The following EGFLAM variants were observed in gnomAD, a reference collection of about 807,000 sequenced individuals.
The protein encoded by EGFLAM is EGF like, fibronectin type III and laminin G domains, also known as pikachurin.
In EGFLAM, 79 loss-of-function variants were observed where a neutral mutation model predicts 113.1. The ratio of observed to expected loss-of-function variants is 0.70; its 90% CI spans 0.58 to 0.84. EGFLAM has a LOEUF of 0.84. Ranked by LOEUF, EGFLAM falls within the 40% of genes least tolerant of loss-of-function variation. EGFLAM has a pLI of 0.00. For missense variants in EGFLAM, 1,265 were observed against 1,291.6 expected, an observed-to-expected ratio of 0.98 and a Z score of 0.32; for synonymous variants, 504 against 487.6, an observed-to-expected ratio of 1.03 and a Z score of -0.44.
chr5:38,378,945 C>G (rs1429676747), intron 6 of EGFLAM, among the ~76,000 whole-genome samples: 1 of 152,176 alleles, frequency 6.6e-6, no homozygotes, highest in Non-Finnish European at 1.5e-5. Flanking sequence ...AATAGATGTT[C>G]CCTCCATGCC....
At chr5:38,319,222 G>A (rs1414289253) in intron 1 of EGFLAM, among the ~76,000 whole-genome samples, 1 of 152,112 alleles carries the variant, frequency 6.6e-6, no homozygotes, top group Non-Finnish European at 1.5e-5. Flanking sequence ...GGGATGACTG[G>A]AACCTGAGCC....
intron 6 of EGFLAM, among the ~76,000 whole-genome samples, chr5:38,381,696 TA>T (rs1740517112): frequency 6.6e-6 from 1 of 152,122 alleles, no homozygotes; most frequent in Non-Finnish European, 1.5e-5. Context: ...GGGTAAAATT[TA>T]GGGGAACACT....
chr5:38,258,692 C>T lies in EGFLAM; in HGVS notation c.-63C>T. The T allele has an allele frequency of 6.5e-7, 1 of 1,545,240 alleles. No homozygotes were observed. The highest frequency in any genetic ancestry group is 8.8e-7 in the Non-Finnish European group (1 of 1,138,632). On this transcript the variant is annotated 5_prime_UTR_variant, in exon 1 of 22. Transcript: ENST00000322350. ...TTGGGGCCGCGTCCCCCACGCGCCC[C>T]CGGAGACGCCCTTTCCGTGTGCGCC... is the stretch of plus-strand genomic sequence containing the variant.
chr5:38,382,096 A>G (rs1294003889), intron 6 of EGFLAM, among the ~76,000 whole-genome samples: 1 of 152,240 alleles, frequency 6.6e-6, no homozygotes, highest in Non-Finnish European at 1.5e-5. Flanking sequence ...TGTGCTCTAT[A>G]ATGCTTATTG....
At chr5:38,278,120 A>G (rs574431623) in intron 1 of EGFLAM, among the ~76,000 whole-genome samples, 2 of 152,314 alleles carry the variant, frequency 1.3e-5, no homozygotes, top group South Asian at 2.1e-4. Flanking sequence ...TGGAGGCATC[A>G]TGCTACCTGA....
chr5:38,404,135 G>A (rs766865021), intron 6 of EGFLAM, among the ~76,000 whole-genome samples: 7 of 152,030 alleles, frequency 4.6e-5, no homozygotes, highest in Non-Finnish European at 7.4e-5. Flanking sequence ...TCAACAGCAC[G>A]CCCCCTGACA....
At chr5:38,398,169 C>T (rs994730908) in intron 6 of EGFLAM, among the ~76,000 whole-genome samples, 1 of 152,220 alleles carries the variant, frequency 6.6e-6, no homozygotes, top group Non-Finnish European at 1.5e-5. Context: ...AAAGGTGTGG[C>T]TCCCCTTGGG....
intron 1 of EGFLAM, among the ~76,000 whole-genome samples, chr5:38,295,823 T>A (rs1758441765): frequency 6.6e-6 from 1 of 152,174 alleles, no homozygotes; most frequent in Non-Finnish European, 1.5e-5. Context: ...TGATAGTGGG[T>A]TAAAAGACCT....
intron 1 of EGFLAM, among the ~76,000 whole-genome samples, chr5:38,300,568 C>T (rs923738504): frequency 2.0e-5 from 3 of 152,060 alleles, no homozygotes; most frequent in Non-Finnish European, 2.9e-5. Context: ...TACAGACGAG[C>T]TTTCACCATG....
chr5:38,342,023 G>T (rs923943177), intron 3 of EGFLAM, among the ~76,000 whole-genome samples: 1 of 151,630 alleles, frequency 6.6e-6, no homozygotes, highest in Admixed American at 6.6e-5. Context: ...TTAAACCCCT[G>T]TCCCAATCCA....
At chr5:38,420,703 G>GAATA (rs1657820756) in intron 12 of EGFLAM, among the ~76,000 whole-genome samples, 1 of 152,158 alleles carries the variant, frequency 6.6e-6, no homozygotes, top group Non-Finnish European at 1.5e-5. Flanking sequence ...GAACAGCCCT[G>GAATA]AATAAACCTG....
intron 15 of EGFLAM, among the ~76,000 whole-genome samples, chr5:38,434,330 A>G (rs1293395320): frequency 1.3e-5 from 2 of 152,154 alleles, no homozygotes; most frequent in Admixed American, 1.3e-4. Context: ...AGTTCTTCCC[A>G]GTGCTGATAT....
At chr5:38,405,567 A>G (rs2112124056) in intron 6 of EGFLAM, among the ~76,000 whole-genome samples, 2 of 152,278 alleles carry the variant, frequency 1.3e-5, no homozygotes, top group East Asian at 3.9e-4. Context: ...TACTATAAAT[A>G]ATTTAGTCAT....
At chr5:38,372,537 G>A (rs1740251485) in intron 6 of EGFLAM, among the ~76,000 whole-genome samples, 1 of 152,202 alleles carries the variant, frequency 6.6e-6, no homozygotes, top group Non-Finnish European at 1.5e-5. Flanking sequence ...GCTGGATCCT[G>A]CTTTTCTGGA....
intron 19 of EGFLAM, 195 bp downstream of exon 19, chr5:38,451,653 T>C (rs1049975943): frequency 1.8e-5 from 14 of 789,520 alleles, no homozygotes; most frequent in African/African-American, 3.5e-5. Context: ...CAGCAAACTA[T>C]GGCCTGCAGG....
chr5:38,454,359 C>T (rs543601600), intron 19 of EGFLAM, among the ~76,000 whole-genome samples: 3 of 146,816 alleles, frequency 2.0e-5, no homozygotes, highest in Non-Finnish European at 2.9e-5. Context: ...TGATCCCCCA[C>T]GTGGGCTCAT....
chr5:38,327,187 C>A (rs1422575111), intron 1 of EGFLAM, among the ~76,000 whole-genome samples: 1 of 152,138 alleles, frequency 6.6e-6, no homozygotes, highest in Non-Finnish European at 1.5e-5. Flanking sequence ...TTAGCCTTAC[C>A]CTGAAATGCA....
chr5:38,383,735 A>G (rs1228992632), intron 6 of EGFLAM, among the ~76,000 whole-genome samples: 1 of 152,116 alleles, frequency 6.6e-6, no homozygotes, highest in Non-Finnish European at 1.5e-5. Context: ...GTGAAGGGCT[A>G]AGAGGGTGTA....
chr5:38,275,066 A>T (rs1383108249), intron 1 of EGFLAM, among the ~76,000 whole-genome samples: 1 of 152,186 alleles, frequency 6.6e-6, no homozygotes, highest in Admixed American at 6.5e-5. Context: ...ACTCGTGGTA[A>T]CCACAGAGCA....
Sources: allele counts gnomAD v4.1 joint callset (sites outside exome capture counted in the v4.1 genomes callset), GRCh38; gene constraint gnomAD v4.1.1; transcripts MANE v1.5; gene names NCBI Gene and HGNC (gene_info 2026-07-23, HGNC 2026-07-21).